The following WASF1 variants were observed in gnomAD, a reference collection of about 807,000 sequenced individuals.
WASF1 encodes actin-binding protein WASF1.
A neutral mutation model predicts 50.5 loss-of-function variants in WASF1; 7 were observed. The ratio of observed to expected loss-of-function variants is 0.14; its 90% confidence interval spans 0.08 to 0.26. The LOEUF is 0.26. Ranked by LOEUF, WASF1 falls within the 10% of genes least tolerant of loss-of-function variation. The probability of loss-of-function intolerance (pLI) is 1.00; values close to 1 mark genes in which losing one functional copy is unlikely to be tolerated. For missense variants in WASF1, 470 were observed against 694.7 expected (o/e 0.68, Z 3.64); for synonymous variants, 205 against 244.0 (o/e 0.84, Z 1.49).
At chr6:110,104,248 G>A (rs1298272264) in intron 8 of WASF1, among the ~76,000 whole-genome samples, 2 of 152,034 alleles carry the variant, frequency 1.3e-5, no homozygotes, top group Non-Finnish European at 2.9e-5. Flanking sequence ...TAACAGATGT[G>A]CACACAGCAA....
chr6:110,135,609 C>A (rs1225939258), intron 3 of WASF1, among the ~76,000 whole-genome samples: 1 of 151,220 alleles, frequency 6.6e-6, no homozygotes, highest in African/African-American at 2.4e-5. Flanking sequence ...TACCCATGAT[C>A]TTATTCTCCT....
intron 4 of WASF1, among the ~76,000 whole-genome samples, chr6:110,121,035 C>G (rs1394064748): frequency 1.3e-5 from 2 of 152,112 alleles, no homozygotes; most frequent in African/African-American, 4.8e-5. Flanking sequence ...CAAAAATTAA[C>G]TCAAGATGGA....
chr6:110,123,156 A>G (rs771397051), intron 4 of WASF1, among the ~76,000 whole-genome samples: 68 of 152,202 alleles, frequency 4.5e-4, no homozygotes, highest in Non-Finnish European at 8.1e-4. Flanking sequence ...AGACTGTAGC[A>G]TTTATATATA....
At chr6:110,134,015 G>C (rs1184578774) in intron 3 of WASF1, among the ~76,000 whole-genome samples, 1 of 151,970 alleles carries the variant, frequency 6.6e-6, no homozygotes, top group Non-Finnish European at 1.5e-5. Flanking sequence ...ACAGAATCTC[G>C]CTCTGTTGCC....
At chr6:110,140,932 T>C (rs1163490901) in intron 3 of WASF1, among the ~76,000 whole-genome samples, 2 of 152,170 alleles carry the variant, frequency 1.3e-5, no homozygotes, top group African/African-American at 4.8e-5. Flanking sequence ...AGGAAGCATA[T>C]ACAGTGTGGA....
intron 3 of WASF1, among the ~76,000 whole-genome samples, chr6:110,150,296 G>T (rs1775766571): frequency 6.6e-6 from 1 of 152,108 alleles, no homozygotes; most frequent in South Asian, 2.1e-4. Context: ...CAATAAAAAT[G>T]AACATATAGC....
chr6:110,163,422 C>A (rs1465567118), intron 2 of WASF1, among the ~76,000 whole-genome samples: 1 of 151,414 alleles, frequency 6.6e-6, no homozygotes, highest in Non-Finnish European at 1.5e-5. Flanking sequence ...CTGTAGACTT[C>A]TTGTTGTGTT....
Position 110,178,612 on chromosome 6 carries a change from G to A in WASF1, c.-141C>T, listed in dbSNP as rs1180289548. 6.6e-6 allele frequency: 1 copy of A among 152,608 alleles called. No homozygotes were observed. Among genetic ancestry groups the A allele is most frequent in the Non-Finnish European group, 1.5e-5 (1 of 68,028 alleles). The allele number at this position is 152,608 out of a possible 1,614,324, so 9.5% of individuals were successfully genotyped here. ...TATTTAAGTACCTAGTCTAGCTGGG[G>A]ATCAATTAATTAATCGGTTATAGGG... On this transcript the variant is annotated 5_prime_UTR_variant, in exon 2 of 11. Coordinates refer to ENST00000392589, the MANE Select transcript of WASF1 (RefSeq NM_003931.3).
At chr6:110,167,948 G>A (rs1776544595) in intron 2 of WASF1, among the ~76,000 whole-genome samples, 1 of 151,932 alleles carries the variant, frequency 6.6e-6, no homozygotes, top group African/African-American at 2.4e-5. Flanking sequence ...ATACCACACT[G>A]AGTATTTAAT....
At chr6:110,153,292 G>C (rs1462034560) in intron 3 of WASF1, among the ~76,000 whole-genome samples, 1 of 152,180 alleles carries the variant, frequency 6.6e-6, no homozygotes, top group East Asian at 1.9e-4. Flanking sequence ...TGAAGATAGG[G>C]AGCCAGGAAA....
At chr6:110,103,317 C>T in intron 9 of WASF1, 61 bp downstream of exon 9, 3 of 1,545,408 alleles carry the variant, frequency 1.9e-6, no homozygotes, top group Non-Finnish European at 2.6e-6. Flanking sequence ...ACTATATCGT[C>T]CTTGAAAGAA....
At chr6:110,137,457 T>C (rs1272291980) in intron 3 of WASF1, among the ~76,000 whole-genome samples, 3 of 152,210 alleles carry the variant, frequency 2.0e-5, no homozygotes, top group Non-Finnish European at 4.4e-5. Context: ...TAATTCAAAA[T>C]CTAAGCTGTT....
At chr6:110,155,536 C>CTTTTTTTTT (rs66645132) in intron 3 of WASF1, among the ~76,000 whole-genome samples, 32 of 45,978 alleles carry the variant, frequency 7.0e-4, no homozygotes, top group Admixed American at 1.5e-3. Context: ...AAAGTGCCTT[C>CTTTTTTTTT]TTTTTTTTTT....
At chr6:110,107,000 G>T in intron 7 of WASF1, 77 bp downstream of exon 7, 2 of 1,029,880 alleles carry the variant, frequency 1.9e-6, no homozygotes, top group Non-Finnish European at 2.9e-6. Context: ...CAAAATACAA[G>T]ATTAATGAAG....
At chr6:110,105,339 A>G (rs992869606) in intron 8 of WASF1, 68 bp downstream of exon 8, 3 of 1,453,528 alleles carry the variant, frequency 2.1e-6, no homozygotes, top group African/African-American at 2.9e-5. Flanking sequence ...CTCAAGACTT[A>G]GAAGTACAGA....
At chr6:110,166,973 GCAGTCATGAGTTT>G (rs1490481418) in intron 2 of WASF1, among the ~76,000 whole-genome samples, 2 of 151,910 alleles carry the variant, frequency 1.3e-5, no homozygotes, top group Admixed American at 1.3e-4. Context: ...AACTGGAGTT[GCAGTCATGAGTTT>G]CAGTCAGTGA....
chr6:110,115,663 C>T (rs1310779762), intron 4 of WASF1, among the ~76,000 whole-genome samples: 1 of 152,154 alleles, frequency 6.6e-6, no homozygotes, highest in African/African-American at 2.4e-5. Context: ...ACATGGTATT[C>T]TGTGGAAGAC....
chr6:110,179,301 G>A (rs1358571516), intron 1 of WASF1, 138 bp downstream of exon 1: 1 of 152,318 alleles, frequency 6.6e-6, no homozygotes, highest in African/African-American at 2.4e-5. Flanking sequence ...TGGGGGCCGG[G>A]GCGGGGAAGG....
At chr6:110,102,592 T>C (rs1449945212) in intron 9 of WASF1, among the ~76,000 whole-genome samples, 1 of 152,140 alleles carries the variant, frequency 6.6e-6, no homozygotes, top group East Asian at 1.9e-4. Context: ...ATGTGGCCAA[T>C]ACAATGCTAT....
Sources: allele counts gnomAD v4.1 joint callset (sites outside exome capture counted in the v4.1 genomes callset), GRCh38; gene constraint gnomAD v4.1.1; transcripts MANE v1.5; gene names NCBI Gene and HGNC (gene_info 2026-07-23, HGNC 2026-07-21).